The following TTC14 variants were observed in gnomAD, a reference collection of about 807,000 sequenced individuals.
The protein encoded by TTC14 is tetratricopeptide repeat domain 14.
TTC14 carries 63 observed loss-of-function variants against 79.9 expected under a neutral mutation model. The observed-to-expected ratio is 0.79, with a 90% CI of 0.64 to 0.97. TTC14 has a LOEUF of 0.97. Ranked by LOEUF, TTC14 falls within the 50% of genes least tolerant of loss-of-function variation. TTC14 has a pLI of 0.00. For missense variants in TTC14, 895 were observed against 894.0 expected (o/e 1.00, Z -0.01); for synonymous variants, 335 against 309.6 (o/e 1.08, Z -0.86).
Position 180,605,129 on chromosome 3 carries a change from G to A in TTC14, c.857+122G>A. The A allele has an allele frequency of 4.4e-6, 4 of 903,366 alleles. 1 individual carries two copies. The South Asian group carries it at 6.2e-5, about 14-fold the overall frequency. The allele number at this position is 903,366 out of a possible 1,614,324, so 56.0% of individuals were successfully genotyped here. The stretch of plus-strand genomic sequence containing the variant: ...ACCTAGTAGCAGGCATATGCCAAAG[G>A]TTGAATGAACCAGGTGATCCCATCT... On this transcript the variant is annotated intron_variant, in intron 6 of 11. Coordinates refer to ENST00000296015, the MANE Select transcript of TTC14 (RefSeq NM_133462.4).
At position 180,602,193 on chromosome 3, in the gene TTC14, G is replaced by A. The variant is rs1532485; in HGVS notation, c.-69G>A. The A allele has an allele frequency of 6.3e-7, 1 of 1,575,738 alleles. No individual in the cohort carries two copies. The highest frequency in any genetic ancestry group is 1.2e-5 in the South Asian group (1 of 85,690). ...GTTTCTTCCGCTTCCTGTACCACCC[G>A]GCTCAAGTAGCGGACACGGAACAGG... On this transcript the variant is annotated 5_prime_UTR_variant, in exon 1 of 12. Transcript: ENST00000296015.
In TTC14 at chr3:180,610,237, A is replaced by T. The variant is rs73883899; in HGVS notation, c.2008A>T (p.Thr670Ser). The T allele has an allele frequency of 1.3e-3, 2,019 of 1,614,012 alleles. 30 individuals carry two copies. The African/African-American group carries it at 0.023, about 19-fold the overall frequency. The change falls in exon 12 of 12, where the codon ACC becomes TCC. Residue 670 changes from threonine (T) to serine (S), a missense_variant. Thr to Ser is a moderately conservative substitution (Grantham distance 58). Coordinates refer to ENST00000296015, the MANE Select transcript of TTC14 (RefSeq NM_133462.4). The part of the protein sequence containing the change: ...RWEPGSVRHS[T>S]SPASSEYSWK... Reference sequence around the variant, plus strand: ...GGAACCAGGTTCTGTGAGGCATTCTACCTCACCAGCAAGCTCAGAATACTC... The same window carrying T: ...GGAACCAGGTTCTGTGAGGCATTCTTCCTCACCAGCAAGCTCAGAATACTC...
At chr3:180,611,151 G>A, downstream of TTC14, 4 of 985,326 alleles carry the variant, frequency 4.1e-6, no homozygotes, top group Non-Finnish European at 4.8e-6. Flanking sequence ...CCCAGCATAA[G>A]TGCCTTAGGA....
chr3:180,609,394 A>C (rs1716864112), intron 11 of TTC14: 1 of 1,200,318 alleles, frequency 8.3e-7, no homozygotes, highest in Admixed American at 4.0e-5. Context: ...AGTGTTGAAA[A>C]AAGTCTGTCT....
chr3:180,613,174 T>C (rs1717094050), downstream of TTC14, among the ~76,000 whole-genome samples: 1 of 152,166 alleles, frequency 6.6e-6, no homozygotes, highest in South Asian at 2.1e-4. Flanking sequence ...CAAACCAATT[T>C]CTAAGGAAGT....
chr3:180,608,374 T>C (rs1716807218), intron 10 of TTC14: 2 of 988,158 alleles, frequency 2.0e-6, no homozygotes, highest in South Asian at 4.7e-5. Flanking sequence ...TTTTCAATCT[T>C]TAAAAATAAT....
intron 6 of TTC14, 57 bp downstream of exon 6, chr3:180,605,064 G>A: frequency 6.6e-7 from 1 of 1,522,478 alleles, no homozygotes. Flanking sequence ...AAGCTCAGAA[G>A]CTGCGTTTAG....
chr3:180,608,620 G>T, intron 10 of TTC14, 81 bp from the exon 11 acceptor site: 7 of 1,372,600 alleles, frequency 5.1e-6, no homozygotes, highest in East Asian at 2.8e-5. Context: ...TTTCTCGTTG[G>T]GGGTGGTCTT....
intron 1 of TTC14, 131 bp from the exon 2 acceptor site, chr3:180,602,760 T>G: frequency 8.7e-7 from 1 of 1,149,296 alleles, no homozygotes; most frequent in Non-Finnish European, 1.2e-6. Context: ...AGTTAAAACT[T>G]TTTGTCTGAG....
In TTC14 at chr3:180,602,842, G is replaced by C. The variant is rs201730729; in HGVS notation, c.162-49G>C. The stretch of plus-strand genomic sequence containing the variant: ...CCATAAGCAGAAGGTTAGAAGTAAA[G>C]AGGCTTTGCAGATAACCCAATTTTC... On this transcript the variant is annotated intron_variant, in intron 1 of 11. Transcript: ENST00000296015. 2.4e-4 allele frequency: 381 copies of C among 1,569,672 alleles called. No individual in the cohort carries two copies. In the African/African-American group the frequency reaches 4.9e-3, roughly 20 times the overall value.
At chr3:180,606,681 G>T (rs1716713289) in intron 9 of TTC14, 78 bp downstream of exon 9, 3 of 1,482,302 alleles carry the variant, frequency 2.0e-6, no homozygotes, top group Non-Finnish European at 1.8e-6. Context: ...TAAGGAAATA[G>T]TTTCTTAAGC....
downstream of TTC14, chr3:180,614,820 T>G (rs550082047): frequency 3.3e-5 from 36 of 1,095,566 alleles, no homozygotes; most frequent in Admixed American, 6.2e-4. Flanking sequence ...TACCACTAAG[T>G]TTTTACACTT....
At chr3:180,611,276 T>A, downstream of TTC14, 4 of 593,980 alleles carry the variant, frequency 6.7e-6, no homozygotes, top group African/African-American at 2.0e-5. Flanking sequence ...ACAAGGCCCT[T>A]AGGGCCTGTA....
In TTC14 at chr3:180,607,631, C is replaced by CT; in HGVS notation, c.1173-14dup. The CT allele has an allele frequency of 6.3e-7, 1 of 1,594,032 alleles. No individual in the cohort carries two copies. Among genetic ancestry groups the CT allele is most frequent in the African/African-American group, 1.4e-5 (1 of 73,744 alleles). ...TGTTGTTTTTACAAAAAAGCTAAAT[C>CT]TTTCTTTCAAATTTAGGTTAGAAGA... On this transcript the variant is annotated splice_polypyrimidine_tract_variant and intron_variant, in intron 9 of 11. Transcript: ENST00000296015.
At position 180,609,562 on chromosome 3, in the gene TTC14, GC is replaced by G; in HGVS notation, c.1401-65del. 3 of 1,421,934 alleles carry G rather than the reference GC, an allele frequency of 2.1e-6. No individual in the cohort carries two copies. The South Asian group carries it at 5.2e-5, about 25-fold the overall frequency. The allele number at this position is 1,421,934 out of a possible 1,614,324, so 88.1% of individuals were successfully genotyped here. A position where few individuals can be genotyped will look rare whatever the true frequency, so the allele number is the denominator to read the frequency against. ...AAAATCTTTAAAGGAAACAAATAGG[GC>G]CCACATCTTTATGAATAATTTAGAA... is the stretch of plus-strand genomic sequence containing the variant. On this transcript the variant is annotated intron_variant, in intron 11 of 11. Coordinates refer to ENST00000296015, the MANE Select transcript of TTC14 (RefSeq NM_133462.4).
intron 10 of TTC14, 125 bp downstream of exon 10, chr3:180,607,890 A>G: frequency 6.8e-7 from 1 of 1,475,044 alleles, no homozygotes. Context: ...CTTTTTAGGT[A>G]TAGTTTTTCC....
chr3:180,607,792 T>A, intron 10 of TTC14, 27 bp downstream of exon 10: 3 of 1,599,512 alleles, frequency 1.9e-6, no homozygotes, highest in Non-Finnish European at 2.6e-6. Context: ...TCTTAGAAAT[T>A]TAGTGATATT....
chr3:180,604,414 T>G, intron 4 of TTC14, 64 bp from the exon 5 acceptor site: 1 of 1,552,862 alleles, frequency 6.4e-7, no homozygotes, highest in South Asian at 1.2e-5. Flanking sequence ...GGAAAGTTTA[T>G]ATTTTTTATG....
At chr3:180,616,567 G>C (rs1717251506) in intron 12 of TTC14, 1 of 1,599,592 alleles carries the variant, frequency 6.3e-7, no homozygotes, top group African/African-American at 1.3e-5. Flanking sequence ...TTTCTTCTAT[G>C]ATATCAACTA....
Sources: gnomAD v4.1 joint callset for allele counts (sites outside exome capture counted in the v4.1 genomes callset) on GRCh38, gnomAD v4.1.1 for gene constraint, MANE v1.5 for transcripts, NCBI Gene and HGNC (gene_info 2026-07-23, HGNC 2026-07-21) for gene names.